RIMS1: variants seen among roughly 807,000 people sequenced by gnomAD.
The protein encoded by RIMS1 is regulating synaptic membrane exocytosis 1.
Under a neutral mutation model 214.1 loss-of-function variants are expected in RIMS1, and 83 were observed. The ratio of observed to expected loss-of-function variants is 0.39; its 90% CI spans 0.32 to 0.47. The LOEUF is 0.47. Ranked by LOEUF, RIMS1 falls within the 20% of genes least tolerant of loss-of-function variation. RIMS1 has a pLI of 0.99. For synonymous variants in RIMS1, 793 were observed against 786.8 expected (o/e 1.01, Z -0.13); for missense variants, 2,050 against 2,161.8 (o/e 0.95, Z 1.03).
intron 6 of RIMS1, among the ~76,000 whole-genome samples, chr6:72,230,902 G>T (rs528615586): frequency 6.6e-6 from 1 of 151,384 alleles, no homozygotes; most frequent in African/African-American, 2.4e-5. Flanking sequence ...AGCAGCTGAC[G>T]TATTTCCTGA....
intron 2 of RIMS1, among the ~76,000 whole-genome samples, chr6:71,972,368 T>G (rs1356367157): frequency 6.6e-6 from 1 of 152,172 alleles, no homozygotes; most frequent in Non-Finnish European, 1.5e-5. Context: ...AGGGTAAATG[T>G]ACATGACTTT....
At chr6:72,313,483 A>G in intron 27 of RIMS1, 23 bp from the exon 28 acceptor site, 2 of 1,606,722 alleles carry the variant, frequency 1.2e-6, no homozygotes, top group Non-Finnish European at 8.5e-7. Context: ...TGGAGCTCAC[A>G]CTTTCTTGTT....
At chr6:72,362,367 A>G (rs1282896925) in intron 29 of RIMS1, among the ~76,000 whole-genome samples, 1 of 152,188 alleles carries the variant, frequency 6.6e-6, no homozygotes, top group East Asian at 1.9e-4. Context: ...CCCTTGCTCC[A>G]AGTCGGGACA....
chr6:72,037,591 A>G (rs1235145667), intron 2 of RIMS1, among the ~76,000 whole-genome samples: 1 of 152,070 alleles, frequency 6.6e-6, no homozygotes, highest in Non-Finnish European at 1.5e-5. Context: ...CAATTTGATG[A>G]GTTTGGACAT....
At chr6:71,999,695 CT>C in intron 2 of RIMS1, among the ~76,000 whole-genome samples, 2 of 152,210 alleles carry the variant, frequency 1.3e-5, no homozygotes, top group East Asian at 3.9e-4. Context: ...ATGCACACCT[CT>C]TTTAAATTAA....
At chr6:72,039,114 ATTCAT>A (rs1820725378) in intron 2 of RIMS1, among the ~76,000 whole-genome samples, 1 of 151,716 alleles carries the variant, frequency 6.6e-6, no homozygotes, top group Non-Finnish European at 1.5e-5. Context: ...TTTTGTTTGT[ATTCAT>A]TTCTTCTCCA....
intron 27 of RIMS1, among the ~76,000 whole-genome samples, chr6:72,310,462 A>G (rs1343613183): frequency 6.6e-6 from 1 of 151,976 alleles, no homozygotes; most frequent in Non-Finnish European, 1.5e-5. Flanking sequence ...GAAATTCATA[A>G]TTAGAGGTGA....
At chr6:72,036,729 A>C (rs567401199) in intron 2 of RIMS1, among the ~76,000 whole-genome samples, 1 of 152,338 alleles carries the variant, frequency 6.6e-6, no homozygotes, top group Admixed American at 6.5e-5. Context: ...AGAATGGAGT[A>C]ATAACTAGAT....
At chr6:72,131,887 C>T (rs2040506847) in intron 4 of RIMS1, among the ~76,000 whole-genome samples, 1 of 152,116 alleles carries the variant, frequency 6.6e-6, no homozygotes, top group Non-Finnish European at 1.5e-5. Flanking sequence ...ATTCTCTTTC[C>T]CAGGGATGTT....
intron 28 of RIMS1, among the ~76,000 whole-genome samples, chr6:72,323,393 A>G (rs897826045): frequency 2.6e-5 from 4 of 152,040 alleles, no homozygotes; most frequent in Admixed American, 6.6e-5. Flanking sequence ...TCAAAGGAGG[A>G]TGGATTATTT....
chr6:72,126,576 A>G (rs1324355632), intron 4 of RIMS1: 1 of 170,242 alleles, frequency 5.9e-6, no homozygotes, highest in African/African-American at 2.4e-5. Flanking sequence ...AATCAACAAG[A>G]AAAACAAAAA....
intron 2 of RIMS1, 82 bp from the exon 3 acceptor site, chr6:72,096,867 A>G (rs1586870976): frequency 8.3e-7 from 1 of 1,198,984 alleles, no homozygotes; most frequent in Admixed American, 2.0e-5. Context: ...CCTTTTTGTT[A>G]GGAAATATTC....
At chr6:72,129,537 A>C (rs2040121165) in intron 4 of RIMS1, among the ~76,000 whole-genome samples, 1 of 152,192 alleles carries the variant, frequency 6.6e-6, no homozygotes, top group Non-Finnish European at 1.5e-5. Context: ...AGATAGAAGT[A>C]GTAAGAAATT....
intron 29 of RIMS1, among the ~76,000 whole-genome samples, chr6:72,339,248 A>G (rs979513760): frequency 6.6e-6 from 1 of 151,798 alleles, no homozygotes; most frequent in Admixed American, 6.6e-5. Flanking sequence ...CAACTGAGGG[A>G]AGAGTACTTT....
At chr6:72,054,454 G>C (rs1825605174) in intron 2 of RIMS1, among the ~76,000 whole-genome samples, 1 of 152,150 alleles carries the variant, frequency 6.6e-6, no homozygotes, top group Admixed American at 6.5e-5. Context: ...TAATGGGATT[G>C]CTGGCTTAAA....
chr6:72,290,552 T>C (rs548787492), intron 24 of RIMS1, 127 bp from the exon 25 acceptor site: 1 of 726,716 alleles, frequency 1.4e-6, no homozygotes, highest in East Asian at 2.7e-5. Context: ...AATAATTGCG[T>C]GATGGGTTCT....
chr6:72,109,237 A>G (rs2035482151), intron 4 of RIMS1, among the ~76,000 whole-genome samples: 1 of 152,072 alleles, frequency 6.6e-6, no homozygotes, highest in African/African-American at 2.4e-5. Flanking sequence ...GGCTGGGTCA[A>G]ATGGTATTTC....
At chr6:72,217,653 A>G (rs2056764084) in intron 6 of RIMS1, among the ~76,000 whole-genome samples, 1 of 152,218 alleles carries the variant, frequency 6.6e-6, no homozygotes, top group South Asian at 2.1e-4. Flanking sequence ...AGATTTAAGT[A>G]TATATAGATT....
intron 4 of RIMS1, among the ~76,000 whole-genome samples, chr6:72,118,005 T>C (rs1224365379): frequency 6.6e-6 from 1 of 151,666 alleles, no homozygotes; most frequent in Non-Finnish European, 1.5e-5. Context: ...TAAAAAGATA[T>C]ACAAAATCAA....
Sources: allele counts gnomAD v4.1 joint callset (sites outside exome capture counted in the v4.1 genomes callset), GRCh38; gene constraint gnomAD v4.1.1; transcripts MANE v1.5; gene names NCBI Gene and HGNC (gene_info 2026-07-23, HGNC 2026-07-21).